Variants in CDK8 observed in about 807,000 individuals in gnomAD.
The protein encoded by CDK8 is cyclin dependent kinase 8, also known as cyclin-dependent kinase 8.
A neutral mutation model predicts 71.5 loss-of-function variants in CDK8; 29 were observed. That is an observed-to-expected ratio of 0.41 (90% CI 0.30 to 0.55). The LOEUF (loss-of-function observed/expected upper bound fraction) is 0.55, where lower values mean the gene tolerates loss of function less well. Among genes scored for constraint, CDK8 ranks in the 20% least tolerant of loss-of-function variants. The pLI, the probability that CDK8 is intolerant of heterozygous loss-of-function variation, is 0.37. For missense variants in CDK8, 288 were observed against 572.6 expected (o/e 0.50, Z 5.07); for synonymous variants, 161 against 192.1 (o/e 0.84, Z 1.34).
chr13:26,342,370 A>G (rs1230877598), intron 2 of CDK8, among the ~76,000 whole-genome samples: 1 of 152,204 alleles, frequency 6.6e-6, no homozygotes, highest in Non-Finnish European at 1.5e-5. Context: ...TCTCAGCATC[A>G]CAGCGTCAAA....
chr13:26,396,099 T>A, intron 7 of CDK8, 186 bp from the exon 8 acceptor site: 1 of 310,552 alleles, frequency 3.2e-6, no homozygotes, highest in Non-Finnish European at 6.1e-6. Flanking sequence ...TATAAAGTTA[T>A]ATAAGGGATA....
chr13:26,339,608 T>TA (rs747125292), intron 2 of CDK8, among the ~76,000 whole-genome samples: 35 of 147,880 alleles, frequency 2.4e-4, no homozygotes, highest in South Asian at 4.2e-4. Context: ...TTTTTTTTTT[T>TA]AAAAAGCTTG....
intron 1 of CDK8, among the ~76,000 whole-genome samples, chr13:26,300,044 A>G (rs1352985038): frequency 6.6e-6 from 1 of 152,116 alleles, no homozygotes; most frequent in Admixed American, 6.6e-5. Context: ...GGGACCTACT[A>G]CCTTCAGTAG....
At chr13:26,353,010 C>T (rs936272406) in intron 3 of CDK8, among the ~76,000 whole-genome samples, 2 of 152,016 alleles carry the variant, frequency 1.3e-5, no homozygotes, top group South Asian at 2.1e-4. Context: ...TTACTGCAGC[C>T]GAGTTATAGA....
At chr13:26,277,005 A>T (rs1253368442) in intron 1 of CDK8, among the ~76,000 whole-genome samples, 1 of 152,226 alleles carries the variant, frequency 6.6e-6, no homozygotes, top group East Asian at 1.9e-4. Flanking sequence ...AGAACTGTTC[A>T]CAACTGCCAG....
intron 2 of CDK8, 39 bp downstream of exon 2, chr13:26,337,681 A>T (rs759071517): frequency 1.1e-6 from 1 of 898,488 alleles, no homozygotes; most frequent in Non-Finnish European, 1.6e-6. Context: ...TTATCAACTG[A>T]CTTATGAGTA....
At chr13:26,344,182 T>C (rs776123839) in intron 2 of CDK8, among the ~76,000 whole-genome samples, 162 of 152,212 alleles carry the variant, frequency 1.1e-3, no homozygotes, top group Non-Finnish European at 4.3e-4. Flanking sequence ...TTATTTAGGG[T>C]TATGGCCTCC....
chr13:26,347,380 T>C (rs1029104432), intron 2 of CDK8, among the ~76,000 whole-genome samples: 3 of 152,350 alleles, frequency 2.0e-5, no homozygotes, highest in Middle Eastern at 3.4e-3. Context: ...TGATAATTGA[T>C]GTTAATGAAT....
chr13:26,336,193 C>T (rs893083662), intron 1 of CDK8, among the ~76,000 whole-genome samples: 2 of 152,002 alleles, frequency 1.3e-5, no homozygotes, highest in Non-Finnish European at 1.5e-5. Context: ...ATCCTGGAAC[C>T]CCCTGGGTGT....
At chr13:26,344,693 A>G (rs1390035262) in intron 2 of CDK8, among the ~76,000 whole-genome samples, 4 of 152,146 alleles carry the variant, frequency 2.6e-5, no homozygotes, top group Non-Finnish European at 4.4e-5. Flanking sequence ...TGGAGGTTGC[A>G]GTGAGCCAAG....
chr13:26,283,379 G>A (rs554841342), intron 1 of CDK8, among the ~76,000 whole-genome samples: 1 of 152,330 alleles, frequency 6.6e-6, no homozygotes, highest in African/African-American at 2.4e-5. Flanking sequence ...GGAGGCCGAG[G>A]CGGGCGGATC....
intron 1 of CDK8, among the ~76,000 whole-genome samples, chr13:26,256,164 C>T (rs1364266528): frequency 6.6e-6 from 1 of 152,126 alleles, no homozygotes; most frequent in Non-Finnish European, 1.5e-5. Flanking sequence ...GGGCGCCGCA[C>T]GTATTTAAAA....
chr13:26,303,878 TTGTC>T (rs1210924528), intron 1 of CDK8, among the ~76,000 whole-genome samples: 2 of 152,154 alleles, frequency 1.3e-5, no homozygotes, highest in African/African-American at 4.8e-5. Flanking sequence ...AAATATTACT[TTGTC>T]TGTTATTAAC....
chr13:26,304,586 C>T (rs1199486583), intron 1 of CDK8, among the ~76,000 whole-genome samples: 2 of 151,968 alleles, frequency 1.3e-5, no homozygotes, highest in African/African-American at 4.8e-5. Context: ...CAAACTTCAA[C>T]TCCATTTACT....
rs568838390 is a variant in CDK8, at chr13:26,285,742, C to T, written c.128+30973C>T. Among the ~76,000 whole-genome samples, 3 of 152,118 alleles carry T rather than the reference C, an allele frequency of 2.0e-5. No individual in the cohort carries two copies. The East Asian group carries it at 5.8e-4, about 29-fold the overall frequency. ...TGATATGATCATATACCTAGAAAAC[C>T]CTAAAGACCCAGAAAGCTCCTTGAT... On this transcript the variant is annotated intron_variant, in intron 1 of 12. Transcript: ENST00000381527.
Position 26,404,178 on chromosome 13 carries a change from G to T in CDK8, c.*97G>T. ...CTGGTATGGGCCATGAGAATGTACTGTACAACCACATCTTCAAAATGTCCA... is the reference window on the plus strand; with the variant it reads ...CTGGTATGGGCCATGAGAATGTACTTTACAACCACATCTTCAAAATGTCCA... On this transcript the variant is annotated 3_prime_UTR_variant, in exon 13 of 13. Coordinates refer to ENST00000381527, the MANE Select transcript of CDK8 (RefSeq NM_001260.3). 7.4e-7 allele frequency: 1 copy of T among 1,358,778 alleles called. No individual in the cohort carries two copies. The allele number at this position is 1,358,778 out of a possible 1,614,324, so 84.2% of individuals were successfully genotyped here. A position where few individuals can be genotyped will look rare whatever the true frequency, so the allele number is the denominator to read the frequency against.
At chr13:26,269,546 T>C (rs566083739) in intron 1 of CDK8, among the ~76,000 whole-genome samples, 6 of 150,026 alleles carry the variant, frequency 4.0e-5, no homozygotes, top group African/African-American at 1.5e-4. Flanking sequence ...TCTCTTTAGA[T>C]TGTTTTTTTT....
intron 1 of CDK8, among the ~76,000 whole-genome samples, chr13:26,326,584 T>TGA (rs1279679788): frequency 6.6e-6 from 1 of 152,214 alleles, no homozygotes; most frequent in Non-Finnish European, 1.5e-5. Context: ...GGGTAGAAGC[T>TGA]ATATCTGTCT....
intron 1 of CDK8, among the ~76,000 whole-genome samples, chr13:26,302,676 A>C (rs1873875044): frequency 6.6e-6 from 1 of 152,212 alleles, no homozygotes; most frequent in Admixed American, 6.5e-5. Context: ...AAGAAATAAG[A>C]TAGATCATTG....
Sources: allele counts gnomAD v4.1 joint callset (sites outside exome capture counted in the v4.1 genomes callset), GRCh38; gene constraint gnomAD v4.1.1; transcripts MANE v1.5; gene names NCBI Gene and HGNC (gene_info 2026-07-23, HGNC 2026-07-21).